Variants in PAPPA2 observed in about 807,000 individuals in gnomAD.
PAPPA2 encodes pappalysin 2.
In PAPPA2, 86 loss-of-function variants were observed where a neutral mutation model predicts 176.4. The ratio of observed to expected loss-of-function variants is 0.49; its 90% CI spans 0.41 to 0.58. The LOEUF is 0.58. PAPPA2 is among the 20% of genes least tolerant of loss of function. The pLI, the probability that PAPPA2 is intolerant of heterozygous loss-of-function variation, is 0.00. For synonymous variants in PAPPA2, 809 were observed against 852.2 expected, an observed-to-expected ratio of 0.95 and a Z score of 0.88; for missense variants, 2,073 against 2,256.9, an observed-to-expected ratio of 0.92 and a Z score of 1.65.
intron 1 of PAPPA2, among the ~76,000 whole-genome samples, chr1:176,534,258 C>G (rs1649957160): frequency 6.6e-6 from 1 of 152,134 alleles, no homozygotes. Flanking sequence ...TATTGGATTC[C>G]CATTAGCTCC....
chr1:176,487,109 A>G (rs1181553958), intron 1 of PAPPA2, among the ~76,000 whole-genome samples: 1 of 152,224 alleles, frequency 6.6e-6, no homozygotes, highest in Non-Finnish European at 1.5e-5. Context: ...ATAATTTGAC[A>G]TCAACTATTT....
intron 2 of PAPPA2, among the ~76,000 whole-genome samples, chr1:176,586,188 G>T (rs240107): frequency 0.64 from 98,023 of 152,002 alleles, 32,142 homozygotes; most frequent in East Asian, 0.93. Flanking sequence ...TTTTTTGTGT[G>T]TGTTTGTGTG....
chr1:176,780,937 T>C (rs1664684330), intron 17 of PAPPA2, among the ~76,000 whole-genome samples: 1 of 152,236 alleles, frequency 6.6e-6, no homozygotes, highest in African/African-American at 2.4e-5. Context: ...AGCTATTGTA[T>C]ACATTTGTGT....
At chr1:176,665,438 A>G (rs1658588464) in intron 3 of PAPPA2, among the ~76,000 whole-genome samples, 1 of 152,124 alleles carries the variant, frequency 6.6e-6, no homozygotes, top group Admixed American at 6.6e-5. Context: ...GCCTGATGCA[A>G]TCCAAGGCTG....
intron 6 of PAPPA2, among the ~76,000 whole-genome samples, chr1:176,694,599 G>A (rs1660275296): frequency 6.6e-6 from 1 of 152,142 alleles, no homozygotes; most frequent in Non-Finnish European, 1.5e-5. Context: ...GTTTTCAGAT[G>A]CGTCATTCAC....
chr1:176,621,402 C>T (rs568304247), intron 3 of PAPPA2, among the ~76,000 whole-genome samples: 14 of 152,240 alleles, frequency 9.2e-5, no homozygotes, highest in African/African-American at 3.4e-4. Flanking sequence ...ATCCTACCTA[C>T]CGGCCAAAGC....
chr1:176,534,656 G>T (rs908979880), intron 1 of PAPPA2, among the ~76,000 whole-genome samples: 4 of 152,220 alleles, frequency 2.6e-5, no homozygotes, highest in African/African-American at 4.8e-5. Context: ...TCTGAATGGA[G>T]TATATGAGAG....
intron 3 of PAPPA2, chr1:176,616,207 G>A (rs957789652): frequency 9.6e-6 from 4 of 417,576 alleles, no homozygotes; most frequent in African/African-American, 8.2e-5. Context: ...GTTGGCTAAT[G>A]TGTATAACAA....
At chr1:176,733,069 G>A (rs1216563562) in intron 12 of PAPPA2, among the ~76,000 whole-genome samples, 1 of 152,168 alleles carries the variant, frequency 6.6e-6, no homozygotes, top group African/African-American at 2.4e-5. Context: ...TCTAATGCCT[G>A]ATGATCTGAG....
chr1:176,706,369 G>T lies in PAPPA2; in HGVS notation c.3376G>T (p.Glu1126Ter), dbSNP rs1414763157. ...TATTTTACCCTCTAGGAGACTGGGAGAAGAGTGTGATGATGGAGACCTTGT... is the reference window on the plus strand; with the variant it reads ...TATTTTACCCTCTAGGAGACTGGGATAAGAGTGTGATGATGGAGACCTTGT... ...GDGKVSERLG[E>*]ECDDGDLVSG... The change falls in exon 10 of 23, where the codon GAA (glutamate) becomes TAA (stop). Residue 1126 changes from glutamate (E) to a stop codon, truncating the protein, a stop_gained. Transcript: ENST00000367662. LOFTEE classifies it high-confidence loss of function. 1.1e-5 allele frequency: 18 copies of T among 1,613,602 alleles called. No homozygotes were observed. Among genetic ancestry groups the T allele is most frequent in the Non-Finnish European group, 1.5e-5 (18 of 1,179,712 alleles).
At chr1:176,715,969 T>C (rs1371275955) in intron 12 of PAPPA2, among the ~76,000 whole-genome samples, 2 of 150,946 alleles carry the variant, frequency 1.3e-5, no homozygotes, top group Non-Finnish European at 2.9e-5. Context: ...AAATATGCTA[T>C]ACATATATTA....
chr1:176,811,377 A>C (rs986024688), intron 21 of PAPPA2, among the ~76,000 whole-genome samples: 1 of 152,204 alleles, frequency 6.6e-6, no homozygotes, highest in African/African-American at 2.4e-5. Flanking sequence ...GCTGTTTACA[A>C]ATCAGATATA....
intron 3 of PAPPA2, among the ~76,000 whole-genome samples, chr1:176,667,826 A>G (rs556210586): frequency 6.6e-6 from 1 of 152,234 alleles, no homozygotes; most frequent in South Asian, 2.1e-4. Context: ...ATTCCTATCA[A>G]TCTACAATAA....
At chr1:176,719,368 A>G (rs1465401418) in intron 12 of PAPPA2, among the ~76,000 whole-genome samples, 1 of 152,198 alleles carries the variant, frequency 6.6e-6, no homozygotes, top group Non-Finnish European at 1.5e-5. Flanking sequence ...CAAAAAACAA[A>G]ACTTACGAAG....
chr1:176,612,833 C>T (rs535449843), intron 3 of PAPPA2, among the ~76,000 whole-genome samples: 5 of 152,194 alleles, frequency 3.3e-5, no homozygotes, highest in Admixed American at 2.0e-4. Flanking sequence ...TAATTTTATT[C>T]CAGCACAATT....
intron 21 of PAPPA2, 114 bp downstream of exon 21, chr1:176,800,246 T>A (rs879306871): frequency 1.1e-6 from 1 of 898,044 alleles, no homozygotes; most frequent in Non-Finnish European, 1.7e-6. Flanking sequence ...CTCTGTCCTT[T>A]GTTTAACTTC....
intron 1 of PAPPA2, among the ~76,000 whole-genome samples, chr1:176,470,606 G>A (rs1341028718): frequency 6.6e-6 from 1 of 152,108 alleles, no homozygotes; most frequent in Non-Finnish European, 1.5e-5. Context: ...ACTAATTGGA[G>A]GAAAGAATGC....
intron 1 of PAPPA2, among the ~76,000 whole-genome samples, chr1:176,487,332 C>T (rs763641678): frequency 2.0e-5 from 3 of 152,158 alleles, no homozygotes; most frequent in Non-Finnish European, 4.4e-5. Flanking sequence ...GCTTCCAAAT[C>T]TCCACATCTT....
intron 1 of PAPPA2, among the ~76,000 whole-genome samples, chr1:176,539,852 C>T (rs1293917387): frequency 6.6e-6 from 1 of 152,192 alleles, no homozygotes; most frequent in Non-Finnish European, 1.5e-5. Context: ...TTGCTGTGGC[C>T]ATGCATTGCT....
Sources: allele counts gnomAD v4.1 joint callset (sites outside exome capture counted in the v4.1 genomes callset), GRCh38; gene constraint gnomAD v4.1.1; transcripts MANE v1.5; gene names NCBI Gene and HGNC (gene_info 2026-07-23, HGNC 2026-07-21).